CEP20: variants seen among roughly 807,000 people sequenced by gnomAD.
CEP20 encodes the protein centrosomal protein 20.
In CEP20, 18 loss-of-function variants were observed where a neutral mutation model predicts 20.0. That is an observed-to-expected ratio of 0.90 (90% CI 0.62 to 1.34). CEP20 has a LOEUF of 1.34. CEP20 is among the 40% of genes most tolerant of loss of function. The pLI is 0.00. For missense variants in CEP20, 215 were observed against 201.6 expected (o/e 1.07, Z -0.40); for synonymous variants, 77 against 73.7 (o/e 1.04, Z -0.23).
Position 15,866,254 on chromosome 16 carries a change from T to C in CEP20, c.*1186A>G, listed in dbSNP as rs552199327. 27 of 152,328 alleles carry C rather than the reference T, an allele frequency of 1.8e-4. No individual in the cohort carries two copies. The highest frequency in any genetic ancestry group is 5.8e-4 in the African/African-American group (24 of 41,582). 9.4% of individuals were successfully genotyped at this position (152,328 alleles called of 1,614,324 possible). A position where few individuals can be genotyped will look rare whatever the true frequency, so the allele number is the denominator to read the frequency against. On this transcript the variant is annotated 3_prime_UTR_variant, in exon 5 of 5. Coordinates refer to ENST00000255759, the MANE Select transcript of CEP20 (RefSeq NM_144600.4). The stretch of plus-strand genomic sequence containing the variant: ...ACAGAAAATCAAAAGTTTCAACAAT[T>C]TGCAAAGCAGCACAGAATTGACACC...
chr16:15,878,432 GGA>G, intron 3 of CEP20, among the ~76,000 whole-genome samples: 1 of 152,210 alleles, frequency 6.6e-6, no homozygotes, highest in South Asian at 2.1e-4. Context: ...AGGATTTGTG[GGA>G]GAGTTAGATT....
At chr16:15,870,276 G>T (rs1314257715) in intron 4 of CEP20, among the ~76,000 whole-genome samples, 4 of 152,164 alleles carry the variant, frequency 2.6e-5, no homozygotes, top group African/African-American at 9.7e-5. Flanking sequence ...GGGACTGATA[G>T]TATCAATGAC....
At chr16:15,870,586 A>G (rs931822182) in intron 4 of CEP20, among the ~76,000 whole-genome samples, 68 of 152,134 alleles carry the variant, frequency 4.5e-4, no homozygotes, top group African/African-American at 1.6e-3. Flanking sequence ...CAAAATATTT[A>G]AAACTAAATA....
chr16:15,887,995 T>C (rs149054244), intron 1 of CEP20, among the ~76,000 whole-genome samples: 14 of 150,714 alleles, frequency 9.3e-5, no homozygotes, highest in African/African-American at 3.2e-4. Flanking sequence ...GGAGGATAGC[T>C]GGAGTCCCGG....
chr16:15,879,246 T>C (rs1056870799), intron 3 of CEP20, among the ~76,000 whole-genome samples: 3 of 151,200 alleles, frequency 2.0e-5, no homozygotes, highest in African/African-American at 4.9e-5. Flanking sequence ...TGGAAGTTCA[T>C]AGTTTTTGTT....
At chr16:15,869,188 G>A (rs1033538956) in intron 4 of CEP20, among the ~76,000 whole-genome samples, 2 of 151,940 alleles carry the variant, frequency 1.3e-5, no homozygotes, top group African/African-American at 4.8e-5. Flanking sequence ...CAAATGCACT[G>A]GCTGTCATTT....
Position 15,888,591 on chromosome 16 carries a change from A to G in CEP20, c.-6T>C. ...AACTCTGCCACAGTCGCCATTTTTCAACGGCCGCCAGGGCCGCACCGCGGC... is the reference window on the plus strand; with the variant it reads ...AACTCTGCCACAGTCGCCATTTTTCGACGGCCGCCAGGGCCGCACCGCGGC... On this transcript the variant is annotated 5_prime_UTR_variant, in exon 1 of 5. Transcript: ENST00000255759. The G allele has an allele frequency of 6.2e-7, 1 of 1,614,082 alleles. No individual in the cohort carries two copies. Among genetic ancestry groups the G allele is most frequent in the Non-Finnish European group, 8.5e-7 (1 of 1,179,988 alleles).
At chr16:15,880,091 A>C (rs1358282456) in intron 2 of CEP20, among the ~76,000 whole-genome samples, 1 of 152,242 alleles carries the variant, frequency 6.6e-6, no homozygotes, top group Non-Finnish European at 1.5e-5. Context: ...AATACAGTTT[A>C]ACATAAATTC....
intron 4 of CEP20, among the ~76,000 whole-genome samples, chr16:15,871,187 C>T (rs1054594792): frequency 4.6e-5 from 7 of 151,742 alleles, no homozygotes; most frequent in Non-Finnish European, 8.8e-5. Context: ...ACCTGGGAGG[C>T]GGAGGTTGCA....
At chr16:15,885,273 A>C (rs1017169487) in intron 1 of CEP20, among the ~76,000 whole-genome samples, 1 of 150,558 alleles carries the variant, frequency 6.6e-6, no homozygotes, top group Admixed American at 6.6e-5. Flanking sequence ...GTGCCACTGC[A>C]CTCTAGCCTG....
In CEP20 at chr16:15,879,803, CATTGT is replaced by C; in HGVS notation, c.307_311del (p.Ile104SerfsTer14). On this transcript the variant is annotated frameshift_variant and splice_region_variant, in exon 3 of 5. Transcript: ENST00000255759. LOFTEE classifies it high-confidence loss of function. Reference sequence around the variant, plus strand: ...GAAACTTCTTTAAAAAAATGTCTTACATTGTATTATCCTTTGATTCTTCAAATGCA... The same window carrying C: ...GAAACTTCTTTAAAAAAATGTCTTACATTATCCTTTGATTCTTCAAATGCA... 1.3e-6 allele frequency: 2 copies of C among 1,563,170 alleles called. No individual in the cohort carries two copies. The highest frequency in any genetic ancestry group is 1.7e-6 in the Non-Finnish European group (2 of 1,154,444).
intron 4 of CEP20, among the ~76,000 whole-genome samples, chr16:15,872,771 C>T (rs889614067): frequency 8.1e-6 from 1 of 124,206 alleles, no homozygotes; most frequent in South Asian, 2.3e-4. Context: ...ATTTTTATGT[C>T]TCAAAAAAAT....
chr16:15,879,292 T>C (rs1202470858), intron 3 of CEP20, among the ~76,000 whole-genome samples: 1 of 151,892 alleles, frequency 6.6e-6, no homozygotes, highest in East Asian at 1.9e-4. Context: ...AGGAGAGATC[T>C]GAGTACATTC....
At chr16:15,870,423 T>G (rs1242947797) in intron 4 of CEP20, among the ~76,000 whole-genome samples, 1 of 152,126 alleles carries the variant, frequency 6.6e-6, no homozygotes, top group Non-Finnish European at 1.5e-5. Flanking sequence ...TTAGACAATA[T>G]CTACTACATT....
chr16:15,881,303 T>C (rs2045091691), intron 2 of CEP20, among the ~76,000 whole-genome samples: 1 of 152,202 alleles, frequency 6.6e-6, no homozygotes, highest in Admixed American at 6.5e-5. Flanking sequence ...CTATATTTCA[T>C]TCTAGTGAAT....
At chr16:15,879,031 C>A (rs1201003440) in intron 3 of CEP20, among the ~76,000 whole-genome samples, 1 of 143,366 alleles carries the variant, frequency 7.0e-6, no homozygotes. Flanking sequence ...TTTTTTTTGG[C>A]TATACAGGGA....
chr16:15,871,830 C>T (rs1359249112), intron 4 of CEP20, among the ~76,000 whole-genome samples: 2 of 152,194 alleles, frequency 1.3e-5, no homozygotes, highest in African/African-American at 4.8e-5. Context: ...TCACTGTTTA[C>T]TTTCAGACCT....
chr16:15,886,254 C>G (rs1238977394), intron 1 of CEP20: 2 of 152,158 alleles, frequency 1.3e-5, no homozygotes, highest in Non-Finnish European at 2.9e-5. Context: ...TCAACAATAA[C>G]CCTGGATCAT....
At chr16:15,871,982 T>C (rs1284601192) in intron 4 of CEP20, among the ~76,000 whole-genome samples, 2 of 152,152 alleles carry the variant, frequency 1.3e-5, no homozygotes, top group Non-Finnish European at 2.9e-5. Context: ...GTTCTGATAA[T>C]TGGCAGCCTA....
Sources: gnomAD v4.1 joint callset for allele counts (sites outside exome capture counted in the v4.1 genomes callset) on GRCh38, gnomAD v4.1.1 for gene constraint, MANE v1.5 for transcripts, NCBI Gene and HGNC (gene_info 2026-07-23, HGNC 2026-07-21) for gene names.